The following KLHL30 variants were observed in gnomAD, a reference collection of about 807,000 sequenced individuals.
The protein encoded by KLHL30 is kelch-like protein 30.
In KLHL30, 55 loss-of-function variants were observed where a neutral mutation model predicts 55.0. The observed-to-expected ratio is 1.00, with a 90% CI of 0.80 to 1.25. The LOEUF (loss-of-function observed/expected upper bound fraction) is 1.25. Among genes scored for constraint, KLHL30 ranks in the 50% most tolerant of loss-of-function variants. The pLI is 0.00. For synonymous variants in KLHL30, 356 were observed against 372.6 expected, an observed-to-expected ratio of 0.96 and a Z score of 0.51; for missense variants, 786 against 811.6, an observed-to-expected ratio of 0.97 and a Z score of 0.38.
Position 238,147,005 on chromosome 2 carries a change from C to CAA in KLHL30, c.1151-813_1151-812dup, listed in dbSNP as rs11344818. 1.8e-5 allele frequency among the ~76,000 whole-genome samples: 2 copies of CAA among 110,250 alleles called. No individual in the cohort carries two copies. Among genetic ancestry groups the CAA allele is most frequent in the Non-Finnish European group, 1.9e-5 (1 of 52,860 alleles). 72.3% of individuals were successfully genotyped at this position (110,250 alleles called of 152,430 possible). On this transcript the variant is annotated intron_variant, in intron 5 of 7. Coordinates refer to ENST00000409223, the MANE Select transcript of KLHL30 (RefSeq NM_198582.4). This position sits in a 1 kb window ranked among gnomAD's most constrained non-coding sequence, Gnocchi z 5.8. ...TAGGTGACAGGGTGAGACTCCATCTCAAAAAAAAAAAAAAAAAGGCAGGCA... is the reference window on the plus strand; with the variant it reads ...TAGGTGACAGGGTGAGACTCCATCTCAAAAAAAAAAAAAAAAAAAGGCAGGCA...
intron 7 of KLHL30, among the ~76,000 whole-genome samples, chr2:238,149,539 C>A (rs1195699395): frequency 6.6e-6 from 1 of 152,280 alleles, no homozygotes; most frequent in Middle Eastern, 3.4e-3. Context: ...TGGGAGAACG[C>A]GATTTGGGTT....
intron 3 of KLHL30, 68 bp from the exon 4 acceptor site, chr2:238,144,834 G>C: frequency 1.7e-6 from 2 of 1,161,394 alleles, no homozygotes; most frequent in South Asian, 2.6e-5. Flanking sequence ...CACCTGGGAA[G>C]GGGGAGTGGG....
At position 238,147,352 on chromosome 2, in the gene KLHL30, A is replaced by G. The variant is rs1692665695; in HGVS notation, c.1151-482A>G. ...GCTTGTGAGGTCCCCAGGTGCTCAC[A>G]GAGGCCCAGGCCAGGGCCTGCTCTC... On this transcript the variant is annotated intron_variant, in intron 5 of 7. Coordinates refer to ENST00000409223, the MANE Select transcript of KLHL30 (RefSeq NM_198582.4). This position sits in a 1 kb window ranked among gnomAD's most constrained non-coding sequence, Gnocchi z 5.8. Among the ~76,000 whole-genome samples the G allele has an allele frequency of 6.6e-6, 1 of 152,016 alleles. No homozygotes were observed. The highest frequency in any genetic ancestry group is 1.5e-5 in the Non-Finnish European group (1 of 67,970).
intron 3 of KLHL30, among the ~76,000 whole-genome samples, chr2:238,144,432 A>AAGGCAGGAAGGC (rs1692608786): frequency 1.2e-5 from 1 of 82,380 alleles, no homozygotes; most frequent in Non-Finnish European, 2.6e-5. Flanking sequence ...GGAAGGAAGG[A>AAGGCAGGAAGGC]AGGCAGGCAG....
chr2:238,144,889 C>T lies in KLHL30; in HGVS notation c.908-13C>T. 1.2e-6 allele frequency: 2 copies of T among 1,601,308 alleles called. No homozygotes were observed. The highest frequency in any genetic ancestry group is 1.7e-6 in the Non-Finnish European group (2 of 1,172,762). ...CTGGCAGCCTGACCCTTCTGCCTCT[C>T]TCTTCCTGCCAGAGAGGTGGATGGC... On this transcript the variant is annotated splice_polypyrimidine_tract_variant and intron_variant, in intron 3 of 7. Transcript: ENST00000409223.
At chr2:238,150,285 C>T (rs1446632049) in intron 7 of KLHL30, among the ~76,000 whole-genome samples, 2 of 152,168 alleles carry the variant, frequency 1.3e-5, no homozygotes, top group Non-Finnish European at 2.9e-5. Context: ...CCTCCCGCTT[C>T]CCACCCGCCC....
chr2:238,144,422 G>GGAAGGAAGGAATGAAGGAAGGAAGGAAT (rs1559275978), intron 3 of KLHL30, among the ~76,000 whole-genome samples: 1 of 106,042 alleles, frequency 9.4e-6, no homozygotes, highest in Non-Finnish European at 2.0e-5. Context: ...AAGGAAGGAA[G>GGAAGGAAGGAATGAAGGAAGGAAGGAAT]GAAGGAAGGA....
chr2:238,143,929 G>A (rs1325393506), intron 3 of KLHL30, among the ~76,000 whole-genome samples: 4 of 152,222 alleles, frequency 2.6e-5, no homozygotes, highest in Non-Finnish European at 4.4e-5. Context: ...TCCCAAAAAT[G>A]GTCATAAATA....
intron 4 of KLHL30, among the ~76,000 whole-genome samples, chr2:238,145,445 AGCTTCTGCTGATGGGG>A (rs1692629837): frequency 6.6e-6 from 1 of 152,160 alleles, no homozygotes; most frequent in Admixed American, 6.5e-5. Context: ...GGAGGGGATA[AGCTTCTGCTGATGGGG>A]GCTTGAAACC....
rs575598944 is a variant in KLHL30 at position 238,150,738 on chromosome 2, C to T, written c.1486-76C>T. The stretch of plus-strand genomic sequence containing the variant: ...CTGGCTGTCCTCTCTGCCACTCCCC[C>T]GACCCTGCTGAGGGCACCCTCAGCC... On this transcript the variant is annotated intron_variant, in intron 7 of 7. Transcript: ENST00000409223. 157 of 1,487,134 alleles carry T rather than the reference C, an allele frequency of 1.1e-4. No individual in the cohort carries two copies. In the African/African-American group the frequency reaches 1.8e-3, roughly 17 times the overall value. 92.1% of individuals were successfully genotyped at this position (1,487,134 alleles called of 1,614,324 possible). A position where few individuals can be genotyped will look rare whatever the true frequency, so the allele number is the denominator to read the frequency against.
At chr2:238,139,760 C>A (rs566887154) in intron 1 of KLHL30, among the ~76,000 whole-genome samples, 1 of 152,346 alleles carries the variant, frequency 6.6e-6, no homozygotes, top group Admixed American at 6.5e-5. Context: ...CGCCCCCTAG[C>A]GGGCGAACGG....
At chr2:238,143,670 G>A (rs980889855) in intron 3 of KLHL30, among the ~76,000 whole-genome samples, 50 of 152,226 alleles carry the variant, frequency 3.3e-4, no homozygotes, top group Non-Finnish European at 1.3e-4. Context: ...TGGCGTCAGC[G>A]GCTGGCAGGC....
At chr2:238,141,745 C>T (rs1019953107) in intron 2 of KLHL30, among the ~76,000 whole-genome samples, 6 of 152,226 alleles carry the variant, frequency 3.9e-5, no homozygotes, top group Non-Finnish European at 5.9e-5. Context: ...GTGCAAGGGG[C>T]AGGGGAATGT....
chr2:238,139,730 C>T (rs945554505), intron 1 of KLHL30, among the ~76,000 whole-genome samples: 2 of 152,182 alleles, frequency 1.3e-5, no homozygotes, highest in African/African-American at 4.8e-5. Flanking sequence ...GCCTCTCCTG[C>T]CCGGGATGGC....
Position 238,144,814 on chromosome 2 carries a change from C to T in KLHL30, c.908-88C>T. 4 of 947,638 alleles carry T rather than the reference C, an allele frequency of 4.2e-6. No homozygotes were observed. In the South Asian group the frequency reaches 5.6e-5, roughly 13 times the overall value. 58.7% of individuals were successfully genotyped at this position (947,638 alleles called of 1,614,324 possible). The stretch of plus-strand genomic sequence containing the variant: ...GAGGGGGGCATTTCTGCACCCGGTG[C>T]ATGGAAAGGCACCTGGGAAGGGGGA... On this transcript the variant is annotated intron_variant, in intron 3 of 7. Coordinates refer to ENST00000409223, the MANE Select transcript of KLHL30 (RefSeq NM_198582.4).
Position 238,141,457 on chromosome 2 carries a change from C to T in KLHL30, c.703C>T (p.Leu235=). Residue 235 remains leucine (L), a synonymous_variant, in exon 2 of 8, where the codon CTG becomes TTG. Coordinates refer to ENST00000409223, the MANE Select transcript of KLHL30 (RefSeq NM_198582.4). The part of the protein sequence containing the change: ...DAVPRPCVQQ[L]LASEPLIQES... ...CGTGCCCAGGCCCTGCGTGCAGCAA[C>T]TGCTGGCCTCAGAGCCCCTGATCCA... is the stretch of plus-strand genomic sequence containing the variant. The T allele has an allele frequency of 6.5e-7, 1 of 1,529,610 alleles. No homozygotes were observed. Among genetic ancestry groups the T allele is most frequent in the Non-Finnish European group, 8.7e-7 (1 of 1,143,804 alleles). The allele number at this position is 1,529,610 out of a possible 1,614,324, so 94.8% of individuals were successfully genotyped here. A position where few individuals can be genotyped will look rare whatever the true frequency, so the allele number is the denominator to read the frequency against.
chr2:238,145,616 C>T, intron 4 of KLHL30, 61 bp from the exon 5 acceptor site: 3 of 1,538,644 alleles, frequency 1.9e-6, no homozygotes, highest in East Asian at 2.4e-5. Context: ...TTGGTATCCA[C>T]ACCCCATGGC....
At chr2:238,144,767 G>T in intron 3 of KLHL30, 135 bp from the exon 4 acceptor site, 1 of 703,630 alleles carries the variant, frequency 1.4e-6, no homozygotes, top group Non-Finnish European at 2.5e-6. Context: ...GTGTCACCCT[G>T]CCCCTCCCTT....
chr2:238,141,349 G>A lies in KLHL30; in HGVS notation c.595G>A (p.Ala199Thr). The A allele has an allele frequency of 6.3e-7, 1 of 1,597,132 alleles. No individual in the cohort carries two copies. Among genetic ancestry groups the A allele is most frequent in the East Asian group, 2.2e-5 (1 of 44,692 alleles). Residue 199 changes from alanine to threonine, a missense_variant, in exon 2 of 8, where the codon GCC becomes ACC. Physicochemically the swap from Ala to Thr is moderately conservative, Grantham distance 58. Coordinates refer to ENST00000409223, the MANE Select transcript of KLHL30 (RefSeq NM_198582.4). ...ACAGCCGGAGCAAAGCCGACTCGAG[G>A]CCCTGATGCGCTGGGTGCGCCATGA... ...QVQPEQSRLE[A>T]LMRWVRHDPQ...
Sources: gnomAD v4.1 joint callset for allele counts (sites outside exome capture counted in the v4.1 genomes callset) on GRCh38, gnomAD v4.1.1 for gene constraint, Gnocchi (gnomAD v3.1) non-coding constraint, MANE v1.5 for transcripts, NCBI Gene and HGNC (gene_info 2026-07-23, HGNC 2026-07-21) for gene names.